AP3B1: variants seen among roughly 807,000 people sequenced by gnomAD.
AP3B1 encodes the protein AP-3 complex subunit beta-1.
A neutral mutation model predicts 132.5 loss-of-function variants in AP3B1; 61 were observed. The observed-to-expected ratio is 0.46, with a 90% CI of 0.37 to 0.57. The LOEUF is 0.57. Among genes scored for constraint, AP3B1 ranks in the 20% least tolerant of loss-of-function variants. The probability of loss-of-function intolerance (pLI) is 0.00; values close to 1 mark genes in which losing one functional copy is unlikely to be tolerated. For missense variants in AP3B1, 1,120 were observed against 1,289.4 expected (o/e 0.87, Z 2.01); for synonymous variants, 388 against 438.3 (o/e 0.89, Z 1.43).
rs770900085 is a variant in AP3B1, at chr5:78,162,947, T to C, written c.1235A>G (p.Tyr412Cys). 1.2e-6 allele frequency: 2 copies of C among 1,613,608 alleles called. No individual in the cohort carries two copies. The highest frequency in any genetic ancestry group is 3.3e-5 in the Admixed American group (2 of 60,018). The change falls in exon 13 of 27, where the codon TAT (tyrosine) becomes TGT (cysteine). Residue 412 changes from tyrosine (Y) to cysteine (C), a missense_variant. Around this residue, in one of 3 missense-constraint regions of AP3B1, gnomAD observed 906 missense variants for 997.1 expected, o/e 0.91. Transcript: ENST00000255194. The stretch of plus-strand genomic sequence containing the variant: ...AAATTGTTTATCCTGGCTTTTCACA[T>C]AGGTCTAAAAGATATTATTTCAATT... ...ISTLLREFQT[Y>C]VKSQDKQFAA...
intron 3 of AP3B1, among the ~76,000 whole-genome samples, chr5:78,230,605 T>G (rs1482013814): frequency 2.6e-5 from 4 of 152,190 alleles, no homozygotes; most frequent in Admixed American, 6.5e-5. Flanking sequence ...AAATATAACT[T>G]GCACTCTTTA....
At chr5:78,292,620 C>T (rs549105343) in intron 1 of AP3B1, among the ~76,000 whole-genome samples, 1 of 151,732 alleles carries the variant, frequency 6.6e-6, no homozygotes, top group Non-Finnish European at 1.5e-5. Context: ...CTGGTAATAA[C>T]CTGCAGGGTT....
chr5:78,119,213 A>C (rs534584683), intron 17 of AP3B1, among the ~76,000 whole-genome samples: 95 of 152,312 alleles, frequency 6.2e-4, no homozygotes, highest in African/African-American at 2.2e-3. Flanking sequence ...CAAAGATCAA[A>C]AGTAGATAAA....
chr5:78,182,405 A>C (rs1263745787), intron 7 of AP3B1, among the ~76,000 whole-genome samples: 3 of 152,230 alleles, frequency 2.0e-5, no homozygotes, highest in Admixed American at 6.5e-5. Flanking sequence ...ACTTTTCCCC[A>C]TCTCTCTCAC....
intron 19 of AP3B1, among the ~76,000 whole-genome samples, chr5:78,112,578 GT>G (rs1751642620): frequency 6.6e-6 from 1 of 152,156 alleles, no homozygotes; most frequent in African/African-American, 2.4e-5. Flanking sequence ...AACAGGACAT[GT>G]TTTATAACTC....
chr5:78,121,116 G>A (rs1432512256), intron 17 of AP3B1, among the ~76,000 whole-genome samples: 1 of 152,012 alleles, frequency 6.6e-6, no homozygotes, highest in African/African-American at 2.4e-5. Flanking sequence ...CAAAATGAGG[G>A]CAGAAATAAA....
chr5:78,006,857 T>C (rs1441492217), intron 26 of AP3B1, among the ~76,000 whole-genome samples: 1 of 152,224 alleles, frequency 6.6e-6, no homozygotes, highest in Non-Finnish European at 1.5e-5. Flanking sequence ...TTGTCTATTA[T>C]CTCCAGCAAT....
intron 7 of AP3B1, among the ~76,000 whole-genome samples, chr5:78,184,151 A>G (rs1744496765): frequency 6.6e-6 from 1 of 151,796 alleles, no homozygotes; most frequent in African/African-American, 2.4e-5. Flanking sequence ...CCTGGGTGAC[A>G]GAGTGAGACT....
intron 7 of AP3B1, among the ~76,000 whole-genome samples, chr5:78,194,923 T>A (rs998055750): frequency 6.6e-6 from 1 of 152,192 alleles, no homozygotes. Flanking sequence ...AACTATTTCA[T>A]AAAATGAGTA....
At chr5:78,224,644 A>G (rs1268699063) in intron 6 of AP3B1, among the ~76,000 whole-genome samples, 1 of 152,050 alleles carries the variant, frequency 6.6e-6, no homozygotes, top group Non-Finnish European at 1.5e-5. Flanking sequence ...AACAGGCTGA[A>G]AGTAAAAGGA....
intron 2 of AP3B1, among the ~76,000 whole-genome samples, chr5:78,244,113 T>C (rs72776502): frequency 0.18 from 27,948 of 152,042 alleles, 2,824 homozygotes; most frequent in Admixed American, 0.27. Flanking sequence ...AGAAGGGACA[T>C]GAATTAAGAA....
chr5:78,166,180 A>ACCGAT (rs1365396387), intron 11 of AP3B1, among the ~76,000 whole-genome samples: 1 of 149,282 alleles, frequency 6.7e-6, no homozygotes, highest in Non-Finnish European at 1.5e-5. Context: ...CACAAATCAT[A>ACCGAT]TTGTCGCCAA....
rs538442688 is a variant in AP3B1, at chr5:78,010,984, G to A, written c.3131+4426C>T. 3.3e-5 allele frequency among the ~76,000 whole-genome samples: 5 copies of A among 150,130 alleles called. No individual in the cohort carries two copies. In the South Asian group the frequency reaches 8.4e-4, roughly 25 times the overall value. On this transcript the variant is annotated intron_variant, in intron 26 of 26. Transcript: ENST00000255194. ...ATTTTTGTAATACTCCTTATCATGCGTTAACTGTAATTTGGAAAACAGCAG... is the reference window on the plus strand; with the variant it reads ...ATTTTTGTAATACTCCTTATCATGCATTAACTGTAATTTGGAAAACAGCAG...
At chr5:78,003,601 T>C (rs1485683983) in intron 26 of AP3B1, 1 of 211,630 alleles carries the variant, frequency 4.7e-6, no homozygotes, top group Non-Finnish European at 8.2e-6. Flanking sequence ...AAATCTCTAA[T>C]GTTAATGATG....
chr5:78,227,698 C>T (rs1431557714), intron 4 of AP3B1, among the ~76,000 whole-genome samples, 166 bp from the exon 5 acceptor site: 1 of 152,014 alleles, frequency 6.6e-6, no homozygotes, highest in Non-Finnish European at 1.5e-5. Flanking sequence ...GAAAAAAAGA[C>T]AGACATAAAT....
intron 12 of AP3B1, among the ~76,000 whole-genome samples, chr5:78,164,900 ACT>A (rs1270831157): frequency 3.3e-5 from 5 of 151,970 alleles, no homozygotes; most frequent in Non-Finnish European, 5.9e-5. Context: ...TAAAAGAAAA[ACT>A]CTGTGATTAG....
intron 20 of AP3B1, among the ~76,000 whole-genome samples, chr5:78,107,897 G>A (rs34434): frequency 0.23 from 35,466 of 152,104 alleles, 4,319 homozygotes; most frequent in Admixed American, 0.31. Context: ...TTGTTTTATA[G>A]TTACATAGTG....
chr5:78,081,869 CTG>C (rs1354045052), intron 22 of AP3B1, among the ~76,000 whole-genome samples: 1 of 151,354 alleles, frequency 6.6e-6, no homozygotes, highest in East Asian at 1.9e-4. Flanking sequence ...TTAGAGCAAA[CTG>C]ATATTTACTT....
downstream of AP3B1, chr5:78,001,689 C>A (rs907209366): frequency 6.6e-6 from 1 of 152,164 alleles, no homozygotes; most frequent in Non-Finnish European, 1.5e-5. Flanking sequence ...TCCTATAATG[C>A]TTCAAGCAAT....
Sources: allele counts gnomAD v4.1 joint callset (sites outside exome capture counted in the v4.1 genomes callset), GRCh38; gene constraint gnomAD v4.1.1; regional missense constraint gnomAD v4.1.1; transcripts MANE v1.5; gene names NCBI Gene and HGNC (gene_info 2026-07-23, HGNC 2026-07-21).